UNC5D: variants seen among roughly 807,000 people sequenced by gnomAD.
UNC5D encodes unc-5 netrin receptor D.
Under a neutral mutation model 105.4 loss-of-function variants are expected in UNC5D, and 39 were observed. The ratio of observed to expected loss-of-function variants is 0.37; its 90% CI spans 0.29 to 0.48. UNC5D has a LOEUF of 0.48. Ranked by LOEUF, UNC5D falls within the 20% of genes least tolerant of loss-of-function variation. The probability of loss-of-function intolerance (pLI) is 0.98; values close to 1 mark genes in which losing one functional copy is unlikely to be tolerated. For synonymous variants in UNC5D, 452 were observed against 450.4 expected, an observed-to-expected ratio of 1.00 and a Z score of -0.04; for missense variants, 991 against 1,202.4, an observed-to-expected ratio of 0.82 and a Z score of 2.60.
chr8:35,650,885 A>G (rs1299132795), intron 4 of UNC5D, among the ~76,000 whole-genome samples: 3 of 152,222 alleles, frequency 2.0e-5, no homozygotes, highest in Admixed American at 2.0e-4. Flanking sequence ...GTTTTCAATG[A>G]GAATGAGATA....
At chr8:35,352,769 C>A (rs1027479302) in intron 1 of UNC5D, among the ~76,000 whole-genome samples, 2 of 151,962 alleles carry the variant, frequency 1.3e-5, no homozygotes, top group Non-Finnish European at 2.9e-5. Context: ...CATGCCACCA[C>A]GCCTGGCTAA....
At chr8:35,760,550 A>T (rs1801480091) in intron 14 of UNC5D, among the ~76,000 whole-genome samples, 1 of 152,154 alleles carries the variant, frequency 6.6e-6, no homozygotes, top group Non-Finnish European at 1.5e-5. Flanking sequence ...GAAAATTCCC[A>T]GTGATACATA....
intron 1 of UNC5D, chr8:35,525,734 G>A (rs2130491494): frequency 2.5e-6 from 4 of 1,580,810 alleles, no homozygotes; most frequent in South Asian, 1.1e-5. Flanking sequence ...GGCTCCCAAC[G>A]CTGAAGTACT....
intron 4 of UNC5D, among the ~76,000 whole-genome samples, chr8:35,627,260 T>C (rs1821746328): frequency 6.6e-6 from 1 of 152,196 alleles, no homozygotes; most frequent in Non-Finnish European, 1.5e-5. Context: ...CAATGACCTT[T>C]AAGGTAGAGT....
chr8:35,774,521 T>A (rs1256516803), intron 16 of UNC5D, 44 bp downstream of exon 16: 2 of 1,605,064 alleles, frequency 1.2e-6, no homozygotes, highest in East Asian at 4.5e-5. Context: ...CTAAGAGAAC[T>A]TGGAAACATA....
intron 1 of UNC5D, among the ~76,000 whole-genome samples, chr8:35,247,579 A>G (rs1420483868): frequency 9.3e-6 from 1 of 107,888 alleles, no homozygotes; most frequent in Non-Finnish European, 1.7e-5. Context: ...ATATGTATAA[A>G]ATATATAAAA....
intron 1 of UNC5D, among the ~76,000 whole-genome samples, chr8:35,463,792 GAAA>G (rs776755576): frequency 7.0e-5 from 8 of 114,420 alleles, no homozygotes; most frequent in African/African-American, 2.6e-4. Flanking sequence ...ACCTGTCTCA[GAAA>G]AAAAAAAAAA....
intron 13 of UNC5D, among the ~76,000 whole-genome samples, chr8:35,758,610 A>G: frequency 6.6e-6 from 1 of 152,182 alleles, no homozygotes; most frequent in East Asian, 1.9e-4. Context: ...TTTGGAACCA[A>G]TGAAATGGTT....
intron 1 of UNC5D, among the ~76,000 whole-genome samples, chr8:35,260,514 A>C (rs10107594): frequency 0.049 from 7,481 of 152,244 alleles, 212 homozygotes; most frequent in African/African-American, 0.075. Context: ...TCTATCACCC[A>C]GGCTGGAGTG....
intron 4 of UNC5D, among the ~76,000 whole-genome samples, chr8:35,676,107 G>T (rs1183607888): frequency 1.3e-5 from 2 of 152,060 alleles, no homozygotes; most frequent in Non-Finnish European, 2.9e-5. Context: ...AAGCTCATCA[G>T]TTGCATACCT....
At chr8:35,405,612 T>C (rs1292323510) in intron 1 of UNC5D, among the ~76,000 whole-genome samples, 1 of 152,182 alleles carries the variant, frequency 6.6e-6, no homozygotes, top group Non-Finnish European at 1.5e-5. Flanking sequence ...TCTATTTCTG[T>C]CAGAATTAGT....
intron 4 of UNC5D, among the ~76,000 whole-genome samples, chr8:35,630,652 A>T (rs1005777269): frequency 4.6e-5 from 7 of 152,226 alleles, no homozygotes; most frequent in Non-Finnish European, 1.0e-4. Context: ...TTAGGGCCGT[A>T]CATACCCTCC....
intron 1 of UNC5D, among the ~76,000 whole-genome samples, chr8:35,384,950 A>G (rs893765122): frequency 6.6e-6 from 1 of 152,176 alleles, no homozygotes; most frequent in Non-Finnish European, 1.5e-5. Flanking sequence ...TCTGGGAGAG[A>G]CACTAAAGTT....
At chr8:35,348,577 C>T (rs966037085) in intron 1 of UNC5D, among the ~76,000 whole-genome samples, 36 of 151,620 alleles carry the variant, frequency 2.4e-4, no homozygotes, top group African/African-American at 8.2e-4. Context: ...AACTTTAAGA[C>T]TACAATGAAA....
At chr8:35,672,085 G>T (rs1824845785) in intron 4 of UNC5D, among the ~76,000 whole-genome samples, 1 of 151,992 alleles carries the variant, frequency 6.6e-6, no homozygotes. Context: ...TTTTCCAGTG[G>T]TACATGTCCA....
At chr8:35,478,927 T>C (rs1304086855) in intron 1 of UNC5D, among the ~76,000 whole-genome samples, 1 of 152,130 alleles carries the variant, frequency 6.6e-6, no homozygotes, top group East Asian at 1.9e-4. Flanking sequence ...TAGAAGAGGG[T>C]TTTAGAAAAT....
At chr8:35,766,757 G>A in intron 14 of UNC5D, 145 bp from the exon 15 acceptor site, 1 of 953,088 alleles carries the variant, frequency 1.0e-6, no homozygotes, top group Non-Finnish European at 1.4e-6. Flanking sequence ...CACTAAAGCT[G>A]CCTAGGCAAT....
intron 1 of UNC5D, among the ~76,000 whole-genome samples, chr8:35,445,897 T>A (rs570180650): frequency 2.1e-4 from 32 of 152,224 alleles, no homozygotes; most frequent in African/African-American, 7.7e-4. Context: ...TATATAAAAG[T>A]TTAAAACTGA....
chr8:35,780,052 G>A (rs1000298061), intron 16 of UNC5D, among the ~76,000 whole-genome samples: 1 of 152,160 alleles, frequency 6.6e-6, no homozygotes, highest in African/African-American at 2.4e-5. Context: ...GGGCAGATGA[G>A]TAGAGGGGAG....
Sources: allele counts gnomAD v4.1 joint callset (sites outside exome capture counted in the v4.1 genomes callset), GRCh38; gene constraint gnomAD v4.1.1; transcripts MANE v1.5; gene names NCBI Gene and HGNC (gene_info 2026-07-23, HGNC 2026-07-21).